LRFN2: variants seen among roughly 807,000 people sequenced by gnomAD.
LRFN2 encodes the protein leucine-rich repeat and fibronectin type-III domain-containing protein 2.
In LRFN2, 18 loss-of-function variants were observed where a neutral mutation model predicts 37.3. The observed-to-expected ratio is 0.48, with a 90% confidence interval of 0.33 to 0.72. LRFN2 has a LOEUF of 0.72. LRFN2 is among the 30% of genes least tolerant of loss of function. The pLI, the probability that LRFN2 is intolerant of heterozygous loss-of-function variation, is 0.02. For missense variants in LRFN2, 1,006 were observed against 1,060.7 expected, an observed-to-expected ratio of 0.95 and a Z score of 0.72; for synonymous variants, 556 against 466.6, an observed-to-expected ratio of 1.19 and a Z score of -2.47.
At chr6:40,451,930 C>T (rs1437095574) in intron 1 of LRFN2, among the ~76,000 whole-genome samples, 2 of 152,194 alleles carry the variant, frequency 1.3e-5, no homozygotes, top group Non-Finnish European at 2.9e-5. Context: ...AAGAAATGCA[C>T]AGGCTGCTGC....
chr6:40,496,209 C>G (rs1198802933), intron 1 of LRFN2, among the ~76,000 whole-genome samples: 2 of 152,188 alleles, frequency 1.3e-5, no homozygotes, highest in Non-Finnish European at 2.9e-5. Context: ...ACCTCCACTA[C>G]TACTGCCTGG....
intron 2 of LRFN2, among the ~76,000 whole-genome samples, chr6:40,430,191 CT>C (rs1763446982): frequency 6.6e-6 from 1 of 152,206 alleles, no homozygotes; most frequent in Non-Finnish European, 1.5e-5. Flanking sequence ...AGATGTGACA[CT>C]GCTATCCAGA....
At chr6:40,410,874 G>A (rs1475031957) in intron 2 of LRFN2, among the ~76,000 whole-genome samples, 1 of 152,152 alleles carries the variant, frequency 6.6e-6, no homozygotes, top group East Asian at 1.9e-4. Context: ...GCCTAGAGGT[G>A]CACCATCCTG....
rs191865312 is a variant in LRFN2 at position 40,401,213 on chromosome 6, A to T, written c.1401-8301T>A. On this transcript the variant is annotated intron_variant, in intron 2 of 2. Transcript: ENST00000338305. Reference sequence around the variant, plus strand: ...GCCTGTGGAATGACTACCAAACCCCACTCTCCCCCTCTCTCATGGCTTCCA... The same window carrying T: ...GCCTGTGGAATGACTACCAAACCCCTCTCTCCCCCTCTCTCATGGCTTCCA... 3.3e-3 allele frequency among the ~76,000 whole-genome samples: 384 copies of T among 115,280 alleles called. 1 individual carries two copies. The highest frequency in any genetic ancestry group is 6.7e-3 in the Non-Finnish European group (335 of 50,262). 75.6% of individuals were successfully genotyped at this position (115,280 alleles called of 152,430 possible).
At chr6:40,582,463 A>G (rs1767421871) in intron 1 of LRFN2, among the ~76,000 whole-genome samples, 1 of 151,940 alleles carries the variant, frequency 6.6e-6, no homozygotes, top group African/African-American at 2.4e-5. Flanking sequence ...AATTACAAGA[A>G]CACAGTTTTG....
chr6:40,440,232 T>C (rs1233573649), intron 1 of LRFN2, among the ~76,000 whole-genome samples: 1 of 152,182 alleles, frequency 6.6e-6, no homozygotes, highest in Non-Finnish European at 1.5e-5. Context: ...ATTGTTATCA[T>C]AAGTAAGTCA....
intron 1 of LRFN2, among the ~76,000 whole-genome samples, chr6:40,439,391 G>A (rs1465690919): frequency 4.6e-5 from 7 of 152,136 alleles, no homozygotes; most frequent in Non-Finnish European, 1.0e-4. Context: ...TCCCCTCCCA[G>A]AGCCCCACTG....
chr6:40,566,562 T>G (rs892995724), intron 1 of LRFN2, among the ~76,000 whole-genome samples: 2 of 151,638 alleles, frequency 1.3e-5, no homozygotes, highest in Admixed American at 6.6e-5. Flanking sequence ...CCATAAAAAA[T>G]GATGAGTTCA....
At chr6:40,457,591 A>T (rs941418651) in intron 1 of LRFN2, among the ~76,000 whole-genome samples, 2 of 148,286 alleles carry the variant, frequency 1.3e-5, no homozygotes, top group African/African-American at 5.0e-5. Context: ...GTGAGCCATG[A>T]TCATACCTCT....
chr6:40,586,132 T>C (rs1488947912), intron 1 of LRFN2, among the ~76,000 whole-genome samples: 1 of 152,154 alleles, frequency 6.6e-6, no homozygotes, highest in African/African-American at 2.4e-5. Context: ...TGTACCGGGC[T>C]GATGGGAAGA....
intron 1 of LRFN2, among the ~76,000 whole-genome samples, chr6:40,454,369 G>A (rs967263953): frequency 6.6e-6 from 1 of 152,016 alleles, no homozygotes; most frequent in Non-Finnish European, 1.5e-5. Context: ...TGTCATGGGT[G>A]GTAAAATTTA....
chr6:40,531,317 T>C (rs1448122651), intron 1 of LRFN2, among the ~76,000 whole-genome samples: 2 of 152,272 alleles, frequency 1.3e-5, no homozygotes, highest in East Asian at 1.9e-4. Flanking sequence ...GTAGTATTTA[T>C]TGATGTGAGC....
At chr6:40,451,175 G>A (rs752315907) in intron 1 of LRFN2, among the ~76,000 whole-genome samples, 5 of 152,166 alleles carry the variant, frequency 3.3e-5, no homozygotes, top group African/African-American at 9.7e-5. Context: ...GATTGAAATC[G>A]TATGCCACAT....
chr6:40,507,808 T>C (rs1285416310), intron 1 of LRFN2, among the ~76,000 whole-genome samples: 2 of 152,214 alleles, frequency 1.3e-5, no homozygotes, highest in Non-Finnish European at 2.9e-5. Context: ...CCCTGAAATG[T>C]TTCAGATTCT....
intron 1 of LRFN2, among the ~76,000 whole-genome samples, chr6:40,479,570 C>T (rs977688376): frequency 1.3e-5 from 2 of 152,246 alleles, no homozygotes; most frequent in Non-Finnish European, 2.9e-5. Flanking sequence ...GCCTCCCTCC[C>T]GTCTCTTTCC....
At chr6:40,578,722 C>T (rs1167291798) in intron 1 of LRFN2, among the ~76,000 whole-genome samples, 2 of 152,206 alleles carry the variant, frequency 1.3e-5, no homozygotes, top group South Asian at 2.1e-4. Context: ...GTGCCAGGCA[C>T]TGTTCCAAGT....
At chr6:40,448,185 T>C (rs894739999) in intron 1 of LRFN2, among the ~76,000 whole-genome samples, 3 of 152,104 alleles carry the variant, frequency 2.0e-5, no homozygotes, top group Admixed American at 6.5e-5. Flanking sequence ...ATTTGCGGGC[T>C]TGCTGAGTTG....
At chr6:40,558,422 C>T (rs547029127) in intron 1 of LRFN2, among the ~76,000 whole-genome samples, 21 of 152,266 alleles carry the variant, frequency 1.4e-4, no homozygotes, top group African/African-American at 4.8e-4. Context: ...ATTTTGAGTC[C>T]CCAGCGTTAG....
intron 1 of LRFN2, among the ~76,000 whole-genome samples, chr6:40,448,973 C>G (rs1215306333): frequency 1.3e-5 from 2 of 152,124 alleles, no homozygotes; most frequent in Non-Finnish European, 2.9e-5. Context: ...AGAAGTATAA[C>G]CAAAGCAACC....
Sources: allele counts gnomAD v4.1 joint callset (sites outside exome capture counted in the v4.1 genomes callset), GRCh38; gene constraint gnomAD v4.1.1; transcripts MANE v1.5; gene names NCBI Gene and HGNC (gene_info 2026-07-23, HGNC 2026-07-21).